Variants in NWD2 observed in about 807,000 individuals in gnomAD.
NWD2 encodes the protein NACHT and WD repeat domain-containing protein 2.
In NWD2, 37 loss-of-function variants were observed where a neutral mutation model predicts 132.7. The ratio of observed to expected loss-of-function variants is 0.28; its 90% confidence interval spans 0.21 to 0.37. The LOEUF (loss-of-function observed/expected upper bound fraction) is 0.37, where lower values mean the gene tolerates loss of function less well. Among genes scored for constraint, NWD2 ranks in the 10% least tolerant of loss-of-function variants. The probability of loss-of-function intolerance (pLI) is 1.00; values close to 1 mark genes in which losing one functional copy is unlikely to be tolerated. For missense variants in NWD2, 1,592 were observed against 2,122.4 expected (o/e 0.75, Z 4.91); for synonymous variants, 705 against 803.0 (o/e 0.88, Z 2.06).
intron 3 of NWD2, among the ~76,000 whole-genome samples, chr4:37,381,476 C>T (rs916933059): frequency 2.6e-5 from 4 of 152,144 alleles, no homozygotes; most frequent in African/African-American, 4.8e-5. Context: ...ACCTGGAGTG[C>T]GAGGAGATTA....
intron 3 of NWD2, among the ~76,000 whole-genome samples, chr4:37,406,360 C>T (rs2109317385): frequency 6.6e-6 from 1 of 152,192 alleles, no homozygotes; most frequent in East Asian, 1.9e-4. Flanking sequence ...AAGGACAGCA[C>T]CATCTGTCAA....
chr4:37,435,012 A>G (rs931795588), intron 5 of NWD2, among the ~76,000 whole-genome samples: 1 of 152,166 alleles, frequency 6.6e-6, no homozygotes, highest in Non-Finnish European at 1.5e-5. Context: ...TTATTCAGGT[A>G]TACTTCAGTC....
intron 5 of NWD2, among the ~76,000 whole-genome samples, chr4:37,436,201 T>C (rs1328428989): frequency 3.3e-5 from 5 of 152,170 alleles, no homozygotes; most frequent in African/African-American, 9.7e-5. Context: ...GTGGATGCTC[T>C]CACTGGTTAA....
intron 2 of NWD2, among the ~76,000 whole-genome samples, chr4:37,339,895 A>G (rs1425848903): frequency 6.6e-6 from 1 of 150,852 alleles, no homozygotes; most frequent in African/African-American, 2.4e-5. Context: ...ACGTGTACGT[A>G]TTATTTAGTT....
chr4:37,297,409 G>C (rs1718517430), intron 1 of NWD2, among the ~76,000 whole-genome samples: 1 of 152,122 alleles, frequency 6.6e-6, no homozygotes, highest in Non-Finnish European at 1.5e-5. Flanking sequence ...TAAGGAACCT[G>C]CCGATATGGA....
chr4:37,261,207 G>A (rs768029033), intron 1 of NWD2, among the ~76,000 whole-genome samples: 8 of 152,130 alleles, frequency 5.3e-5, no homozygotes, highest in Non-Finnish European at 1.0e-4. Flanking sequence ...AGCTAGTGAA[G>A]AAGGACACAT....
chr4:37,378,331 T>C (rs970154880), intron 3 of NWD2, among the ~76,000 whole-genome samples: 1 of 152,240 alleles, frequency 6.6e-6, no homozygotes, highest in African/African-American at 2.4e-5. Flanking sequence ...TTCAATTTTA[T>C]TATCTAAGCT....
intron 1 of NWD2, among the ~76,000 whole-genome samples, chr4:37,310,184 A>AG (rs1346832703): frequency 1.3e-5 from 2 of 152,242 alleles, no homozygotes; most frequent in African/African-American, 2.4e-5. Context: ...TATAATCTAA[A>AG]GCTGTCCTCA....
At chr4:37,424,118 A>T (rs1033986273) in intron 3 of NWD2, among the ~76,000 whole-genome samples, 2 of 152,148 alleles carry the variant, frequency 1.3e-5, no homozygotes, top group African/African-American at 4.8e-5. Flanking sequence ...ATCAGGTAGA[A>T]AGAATACCAA....
chr4:37,348,665 T>TACAC (rs1329046483), intron 2 of NWD2, among the ~76,000 whole-genome samples: 4 of 68,854 alleles, frequency 5.8e-5, no homozygotes, highest in African/African-American at 2.2e-4. Flanking sequence ...TATATATATA[T>TACAC]ATATATATAT....
chr4:37,320,441 C>A (rs1719045512), intron 1 of NWD2, among the ~76,000 whole-genome samples: 1 of 152,166 alleles, frequency 6.6e-6, no homozygotes, highest in African/African-American at 2.4e-5. Context: ...TTGCTGGCGG[C>A]TCTGTGAGAC....
intron 3 of NWD2, among the ~76,000 whole-genome samples, chr4:37,361,359 A>C (rs991912839): frequency 5.9e-5 from 9 of 152,162 alleles, no homozygotes; most frequent in East Asian, 1.9e-4. Flanking sequence ...GGCAAAAGAC[A>C]AAACCTGGCA....
intron 1 of NWD2, among the ~76,000 whole-genome samples, chr4:37,272,240 A>G (rs919254110): frequency 2.6e-5 from 4 of 151,614 alleles, no homozygotes; most frequent in African/African-American, 9.7e-5. Flanking sequence ...TTGTTTTCTC[A>G]GGAAGGATAT....
chr4:37,387,117 T>C (rs1216844429), intron 3 of NWD2, among the ~76,000 whole-genome samples: 2 of 152,098 alleles, frequency 1.3e-5, no homozygotes, highest in East Asian at 3.9e-4. Flanking sequence ...ATTCAAGCAA[T>C]AAACCAGGAC....
At chr4:37,305,857 T>C (rs2109278455) in intron 1 of NWD2, among the ~76,000 whole-genome samples, 1 of 152,314 alleles carries the variant, frequency 6.6e-6, no homozygotes, top group African/African-American at 2.4e-5. Flanking sequence ...GAATAATTAA[T>C]TAATAGAATT....
intron 6 of NWD2, among the ~76,000 whole-genome samples, chr4:37,440,754 T>C (rs896169127): frequency 6.6e-6 from 1 of 152,138 alleles, no homozygotes; most frequent in Admixed American, 6.5e-5. Context: ...GTCTGGAACC[T>C]CACTTTGGAA....
chr4:37,431,222 C>T (rs1157009054), intron 4 of NWD2, among the ~76,000 whole-genome samples: 1 of 151,946 alleles, frequency 6.6e-6, no homozygotes, highest in Non-Finnish European at 1.5e-5. Flanking sequence ...GAATTGTTCA[C>T]AATAGCCAAG....
chr4:37,298,581 G>C (rs930388889), intron 1 of NWD2, among the ~76,000 whole-genome samples: 2 of 152,114 alleles, frequency 1.3e-5, no homozygotes, highest in African/African-American at 4.8e-5. Context: ...AGAGAGGTGA[G>C]TGGATGGGCA....
At chr4:37,291,620 G>A (rs540261743) in intron 1 of NWD2, among the ~76,000 whole-genome samples, 6 of 152,004 alleles carry the variant, frequency 3.9e-5, no homozygotes, top group South Asian at 2.1e-4. Flanking sequence ...GGAAACCTTC[G>A]TAGCCTTTAC....
Sources: gnomAD v4.1 joint callset for allele counts (sites outside exome capture counted in the v4.1 genomes callset) on GRCh38, gnomAD v4.1.1 for gene constraint, MANE v1.5 for transcripts, NCBI Gene and HGNC (gene_info 2026-07-23, HGNC 2026-07-21) for gene names.